The following CCNB3 variants were observed in gnomAD, a reference collection of about 807,000 sequenced individuals.
CCNB3 encodes the protein cyclin B3, also known as G2/mitotic-specific cyclin-B3.
Under a neutral mutation model 68.0 loss-of-function variants are expected in CCNB3, and 12 were observed. That is an observed-to-expected ratio of 0.18 (90% CI 0.11 to 0.29). The LOEUF (loss-of-function observed/expected upper bound fraction) is 0.29. Ranked by LOEUF, CCNB3 falls within the 10% of genes least tolerant of loss-of-function variation. CCNB3 has a pLI of 1.00. For missense variants in CCNB3, 904 were observed against 993.1 expected, an observed-to-expected ratio of 0.91 and a Z score of 1.21; for synonymous variants, 354 against 388.9, an observed-to-expected ratio of 0.91 and a Z score of 1.06.
At chrX:50,224,825 C>T (rs984130389) in intron 1 of CCNB3, among the ~76,000 whole-genome samples, 291 of 111,531 alleles carry the variant, frequency 2.6e-3, no homozygotes, top group African/African-American at 8.8e-3. Context: ...AATCAGACTA[C>T]TTGTGTTTAA....
In CCNB3 at chrX:50,320,402, T is replaced by C. The variant is rs144392285; in HGVS notation, c.3516+6454T>C. On this transcript the variant is annotated intron_variant, in intron 8 of 12. Coordinates refer to ENST00000376042, the MANE Select transcript of CCNB3 (RefSeq NM_033031.3). ...CCTTCCGTCTAAGCTGTCAAATTTATGTGCATAGAGTTTTTCATAGTGTTC... is the reference window on the plus strand; with the variant it reads ...CCTTCCGTCTAAGCTGTCAAATTTACGTGCATAGAGTTTTTCATAGTGTTC... 1.4e-3 allele frequency among the ~76,000 whole-genome samples: 150 copies of C among 110,761 alleles called. 1 individual carries two copies. Among genetic ancestry groups the C allele is most frequent in the Non-Finnish European group, 1.7e-3 (88 of 52,715 alleles).
intron 8 of CCNB3, among the ~76,000 whole-genome samples, chrX:50,324,994 T>C (rs1922224284): frequency 9.0e-6 from 1 of 111,606 alleles, no homozygotes; most frequent in Non-Finnish European, 1.9e-5. Context: ...TGATAATTTC[T>C]TTCTTAAAGT....
At chrX:50,330,991 A>G (rs187677643) in intron 8 of CCNB3, among the ~76,000 whole-genome samples, 16 of 111,955 alleles carry the variant, frequency 1.4e-4, no homozygotes, top group Admixed American at 1.3e-3. Context: ...GCTTGTAACT[A>G]TATGATTTGG....
intron 1 of CCNB3, among the ~76,000 whole-genome samples, chrX:50,279,381 T>G (rs1936034333): frequency 1.3e-5 from 1 of 78,215 alleles, no homozygotes; most frequent in Non-Finnish European, 2.2e-5. Context: ...TATAAATATA[T>G]GAAATATTTT....
At chrX:50,350,450 C>A (rs1602256537) in intron 11 of CCNB3, among the ~76,000 whole-genome samples, 2 of 111,905 alleles carry the variant, frequency 1.8e-5, no homozygotes, top group South Asian at 7.5e-4. Context: ...TGCTATACCG[C>A]TTCTGCCACA....
intron 9 of CCNB3, among the ~76,000 whole-genome samples, chrX:50,343,408 A>G (rs1195054756): frequency 8.9e-6 from 1 of 112,053 alleles, no homozygotes; most frequent in Non-Finnish European, 1.9e-5. Flanking sequence ...AAAGTTTAAA[A>G]AGTAAAAAGT....
chrX:50,279,287 TATAA>T (rs1464923784), intron 1 of CCNB3, among the ~76,000 whole-genome samples: 42 of 72,313 alleles, frequency 5.8e-4, no homozygotes, highest in Admixed American at 1.3e-3. Context: ...CATATTCATA[TATAA>T]ATATATATGA....
intron 8 of CCNB3, among the ~76,000 whole-genome samples, chrX:50,336,131 A>T (rs1922839302): frequency 8.9e-6 from 1 of 111,750 alleles, no homozygotes; most frequent in South Asian, 3.8e-4. Context: ...CTTCAGTCTA[A>T]TTGCCCTTCA....
At chrX:50,337,749 G>A (rs782008820) in intron 8 of CCNB3, among the ~76,000 whole-genome samples, 7 of 111,391 alleles carry the variant, frequency 6.3e-5, no homozygotes, top group African/African-American at 2.3e-4. Flanking sequence ...CACACCACAC[G>A]CACACCACAA....
At chrX:50,285,566 A>G (rs1328892115) in intron 3 of CCNB3, among the ~76,000 whole-genome samples, 1 of 111,678 alleles carries the variant, frequency 9.0e-6, no homozygotes, top group Admixed American at 9.6e-5. Context: ...AGCTCCAAGC[A>G]CCTTGCTGAA....
At chrX:50,347,874 G>A in intron 11 of CCNB3, 99 bp downstream of exon 11, 1 of 840,245 alleles carries the variant, frequency 1.2e-6, no homozygotes, top group Admixed American at 3.2e-5. Flanking sequence ...AAACTCTTGG[G>A]GACAAAACTG....
intron 9 of CCNB3, among the ~76,000 whole-genome samples, chrX:50,344,872 T>C (rs781985614): frequency 9.0e-6 from 1 of 111,688 alleles, no homozygotes; most frequent in African/African-American, 3.3e-5. Flanking sequence ...CTGATCTTGT[T>C]CAACTTTCAT....
chrX:50,284,199 C>T (rs1467380019), intron 1 of CCNB3, among the ~76,000 whole-genome samples: 1 of 111,285 alleles, frequency 9.0e-6, no homozygotes, highest in Middle Eastern at 4.2e-3. Context: ...CTTCCTTTCT[C>T]TTCCCCCTAC....
At chrX:50,319,182 T>C (rs143444797) in intron 8 of CCNB3, among the ~76,000 whole-genome samples, 3,782 of 111,077 alleles carry the variant, frequency 0.034, 174 homozygotes, top group African/African-American at 0.12. Flanking sequence ...TAGGAAATCA[T>C]TGTGCTTGAG....
chrX:50,314,095 C>A, intron 8 of CCNB3, 147 bp downstream of exon 8: 1 of 423,978 alleles, frequency 2.4e-6, no homozygotes, highest in Non-Finnish European at 4.2e-6. Context: ...ATTTAGGAGG[C>A]AAGATAAGAT....
intron 8 of CCNB3, among the ~76,000 whole-genome samples, chrX:50,323,012 G>A (rs1367257909): frequency 8.9e-6 from 1 of 111,806 alleles, no homozygotes; most frequent in Non-Finnish European, 1.9e-5. Flanking sequence ...ACAGTGTGGC[G>A]ATTCCTCAGG....
chrX:50,226,027 T>C (rs1366139107), intron 1 of CCNB3, among the ~76,000 whole-genome samples: 1 of 92,749 alleles, frequency 1.1e-5, no homozygotes, highest in Non-Finnish European at 2.1e-5. Context: ...TACAAAAATA[T>C]ATATATAGAA....
In CCNB3 at chrX:50,308,489, A is replaced by G; in HGVS notation, c.336-16A>G. On this transcript the variant is annotated splice_polypyrimidine_tract_variant and intron_variant, in intron 5 of 12. Coordinates refer to ENST00000376042, the MANE Select transcript of CCNB3 (RefSeq NM_033031.3). ...GGAACTACATTTTTCTTACCCAGAC[A>G]TTGTTTCCTTCACAGGCATAAGCTG... 1 of 1,095,050 alleles carries G rather than the reference A, an allele frequency of 9.1e-7. No individual in the cohort carries two copies. Among genetic ancestry groups the G allele is most frequent in the Non-Finnish European group, 1.2e-6 (1 of 804,979 alleles). 90.2% of individuals were successfully genotyped at this position (1,095,050 alleles called of 1,213,427 possible). A position where few individuals can be genotyped will look rare whatever the true frequency, so the allele number is the denominator to read the frequency against.
intron 8 of CCNB3, among the ~76,000 whole-genome samples, chrX:50,340,756 T>A (rs1923080997): frequency 9.0e-6 from 1 of 111,684 alleles, no homozygotes; most frequent in South Asian, 3.8e-4. Flanking sequence ...GCACAAACCA[T>A]GGGACTAGGG....
Sources: gnomAD v4.1 joint callset for allele counts (sites outside exome capture counted in the v4.1 genomes callset) on GRCh38, gnomAD v4.1.1 for gene constraint, MANE v1.5 for transcripts, NCBI Gene and HGNC (gene_info 2026-07-23, HGNC 2026-07-21) for gene names.